ALDH18A1: variants seen among roughly 807,000 people sequenced by gnomAD.
ALDH18A1 encodes delta-1-pyrroline-5-carboxylate synthase.
A neutral mutation model predicts 88.8 loss-of-function variants in ALDH18A1; 44 were observed. That is an observed-to-expected ratio of 0.50 (90% CI 0.39 to 0.64). ALDH18A1 has a LOEUF of 0.64. Among genes scored for constraint, ALDH18A1 ranks in the 30% least tolerant of loss-of-function variants. ALDH18A1 has a pLI of 0.00. For missense variants in ALDH18A1, 782 were observed against 1,009.5 expected, an observed-to-expected ratio of 0.77 and a Z score of 3.05; for synonymous variants, 331 against 372.1, an observed-to-expected ratio of 0.89 and a Z score of 1.27.
chr10:95,617,045 G>C lies in ALDH18A1; in HGVS notation c.1468-431C>G, dbSNP rs181460053. Among the ~76,000 whole-genome samples, 313 of 152,288 alleles carry C rather than the reference G, an allele frequency of 2.1e-3. 2 individuals are homozygous for C. The highest frequency in any genetic ancestry group is 5.6e-3 in the African/African-American group (233 of 41,564). On this transcript the variant is annotated intron_variant, in intron 12 of 17. Coordinates refer to ENST00000371224, the MANE Select transcript of ALDH18A1 (RefSeq NM_002860.4). Reference sequence around the variant, plus strand: ...GTGGATCACCTGAGGTCAGGAGTTCGATACCAGCCTGACCAACATGGTGAA... The same window carrying C: ...GTGGATCACCTGAGGTCAGGAGTTCCATACCAGCCTGACCAACATGGTGAA...
chr10:95,615,221 ACTAGGAAAG>A (rs2097842166), intron 13 of ALDH18A1, among the ~76,000 whole-genome samples: 1 of 152,000 alleles, frequency 6.6e-6, no homozygotes, highest in African/African-American at 2.4e-5. Context: ...AGTCCCAACT[ACTAGGAAAG>A]CTGAGGTGGG....
chr10:95,617,997 T>A (rs1307280023), intron 12 of ALDH18A1, among the ~76,000 whole-genome samples: 1 of 152,172 alleles, frequency 6.6e-6, no homozygotes, highest in Non-Finnish European at 1.5e-5. Flanking sequence ...ACACTGGTTT[T>A]AGGGGATGTC....
chr10:95,652,215 T>C (rs1409422515), intron 2 of ALDH18A1, among the ~76,000 whole-genome samples: 1 of 152,152 alleles, frequency 6.6e-6, no homozygotes, highest in African/African-American at 2.4e-5. Context: ...CAGGGGTTAG[T>C]AATAGGGAAG....
intron 17 of ALDH18A1, among the ~76,000 whole-genome samples, chr10:95,609,767 C>CTTT (rs1193875091): frequency 3.3e-5 from 1 of 30,698 alleles, no homozygotes; most frequent in African/African-American, 8.5e-5. Context: ...AAGTCTGTCT[C>CTTT]TATTTTTTTT....
At chr10:95,609,734 C>T (rs868103229) in intron 17 of ALDH18A1, among the ~76,000 whole-genome samples, 47 of 150,704 alleles carry the variant, frequency 3.1e-4, no homozygotes, top group African/African-American at 1.1e-3. Context: ...TAATTATTCT[C>T]CCTGATAATC....
intron 3 of ALDH18A1, among the ~76,000 whole-genome samples, 192 bp from the exon 4 acceptor site, chr10:95,637,628 A>G (rs952598695): frequency 3.9e-5 from 6 of 152,156 alleles, no homozygotes; most frequent in African/African-American, 1.2e-4. Flanking sequence ...TCAAATTTCT[A>G]TTTAGCAGGT....
chr10:95,643,400 A>G (rs908164037), intron 2 of ALDH18A1, among the ~76,000 whole-genome samples, 194 bp from the exon 3 acceptor site: 1 of 152,338 alleles, frequency 6.6e-6, no homozygotes, highest in Admixed American at 6.5e-5. Context: ...TGGAGTTTAC[A>G]CCCAGTATGC....
chr10:95,632,197 T>A (rs1481486210), intron 7 of ALDH18A1, among the ~76,000 whole-genome samples: 1 of 152,092 alleles, frequency 6.6e-6, no homozygotes, highest in African/African-American at 2.4e-5. Flanking sequence ...ACAGAAAATA[T>A]ACTGGAGACT....
At chr10:95,629,633 G>C (rs1284294663) in intron 7 of ALDH18A1, among the ~76,000 whole-genome samples, 2 of 152,138 alleles carry the variant, frequency 1.3e-5, no homozygotes, top group Non-Finnish European at 2.9e-5. Context: ...AGCTGTTTCA[G>C]TTTCATATAT....
At chr10:95,650,425 G>C (rs189536741) in intron 2 of ALDH18A1, among the ~76,000 whole-genome samples, 2 of 152,192 alleles carry the variant, frequency 1.3e-5, no homozygotes, top group Non-Finnish European at 2.9e-5. Context: ...GTTGGAGGTG[G>C]GGCCTGGTAG....
intron 7 of ALDH18A1, among the ~76,000 whole-genome samples, chr10:95,629,745 C>G (rs2097865353): frequency 6.6e-6 from 1 of 152,076 alleles, no homozygotes; most frequent in African/African-American, 2.4e-5. Flanking sequence ...TCCCCTTACC[C>G]CACCAAGAGC....
At position 95,643,226 on chromosome 10, in the gene ALDH18A1, A is replaced by C; in HGVS notation, c.89-20T>G. 6.2e-7 allele frequency: 1 copy of C among 1,611,926 alleles called. No homozygotes were observed. The highest frequency in any genetic ancestry group is 8.5e-7 in the Non-Finnish European group (1 of 1,178,168). On this transcript the variant is annotated intron_variant, in intron 2 of 17. Transcript: ENST00000371224. ...TACAATCTGTAGCCATCAAAGTCAA[A>C]TGCAAGAAAAAAAGAAATACTCAAT...
In ALDH18A1 at chr10:95,611,410, G is replaced by C; in HGVS notation, c.1956C>G (p.Ser652=). 6.2e-7 allele frequency: 1 copy of C among 1,614,200 alleles called. No individual in the cohort carries two copies. Among genetic ancestry groups the C allele is most frequent in the African/African-American group, 1.3e-5 (1 of 75,042 alleles). ...VKIHAGPKFA[S]YLTFSPSEVK... Reference sequence around the variant, plus strand: ...CTTCGGAGGGGCTGAAGGTCAGATAGGAGGCAAATTTGGGGCCTGCATGAA... The same window carrying C: ...CTTCGGAGGGGCTGAAGGTCAGATACGAGGCAAATTTGGGGCCTGCATGAA... Residue 652 remains serine, a synonymous_variant, in exon 16 of 18, where the codon TCC becomes TCG. Transcript: ENST00000371224.
At chr10:95,621,292 G>C (rs2097852144) in intron 11 of ALDH18A1, 41 bp from the exon 12 acceptor site, 1 of 1,549,444 alleles carries the variant, frequency 6.5e-7, no homozygotes, top group South Asian at 1.1e-5. Context: ...TAGCAGACCT[G>C]GCAGGCTACA....
At chr10:95,611,024 G>T (rs1162860129) in intron 16 of ALDH18A1, among the ~76,000 whole-genome samples, 1 of 152,174 alleles carries the variant, frequency 6.6e-6, no homozygotes, top group Non-Finnish European at 1.5e-5. Flanking sequence ...CCTCTGACAG[G>T]GTTAGTCATC....
At chr10:95,628,266 C>T in intron 8 of ALDH18A1, 102 bp downstream of exon 8, 2 of 1,523,178 alleles carry the variant, frequency 1.3e-6, no homozygotes, top group Non-Finnish European at 1.8e-6. Context: ...TATGTGCCTA[C>T]TATCTGAACC....
chr10:95,627,627 C>T, intron 8 of ALDH18A1, 41 bp from the exon 9 acceptor site: 1 of 1,611,234 alleles, frequency 6.2e-7, no homozygotes, highest in Non-Finnish European at 8.5e-7. Context: ...GAGATTCAGA[C>T]CTATTCACCC....
At chr10:95,652,411 T>G (rs1215146047) in intron 2 of ALDH18A1, among the ~76,000 whole-genome samples, 1 of 152,194 alleles carries the variant, frequency 6.6e-6, no homozygotes, top group Non-Finnish European at 1.5e-5. Context: ...AATCTAAAAC[T>G]TAATTACAAA....
intron 9 of ALDH18A1, among the ~76,000 whole-genome samples, 187 bp from the exon 10 acceptor site, chr10:95,626,963 A>G (rs2097861331): frequency 6.6e-6 from 1 of 152,236 alleles, no homozygotes; most frequent in Admixed American, 6.5e-5. Flanking sequence ...AGAATGTGCC[A>G]GATTCACTCA....
Sources: allele counts gnomAD v4.1 joint callset (sites outside exome capture counted in the v4.1 genomes callset), GRCh38; gene constraint gnomAD v4.1.1; transcripts MANE v1.5; gene names NCBI Gene and HGNC (gene_info 2026-07-23, HGNC 2026-07-21).